EXOC6: variants seen among roughly 807,000 people sequenced by gnomAD.
The protein encoded by EXOC6 is exocyst complex component 6.
A neutral mutation model predicts 112.5 loss-of-function variants in EXOC6; 60 were observed. The observed-to-expected ratio is 0.53, with a 90% confidence interval of 0.43 to 0.66. The LOEUF is 0.66. EXOC6 is among the 30% of genes least tolerant of loss of function. EXOC6 has a pLI of 0.00. For missense variants in EXOC6, 855 were observed against 957.1 expected (o/e 0.89, Z 1.41); for synonymous variants, 295 against 308.0 (o/e 0.96, Z 0.44).
At chr10:92,959,039 A>G (rs1036913177) in intron 17 of EXOC6, among the ~76,000 whole-genome samples, 16 of 152,124 alleles carry the variant, frequency 1.1e-4, no homozygotes, top group African/African-American at 3.6e-4. Context: ...GGTTGCAGTG[A>G]GCCGAGATCA....
intron 1 of EXOC6, among the ~76,000 whole-genome samples, chr10:92,860,265 CTTTT>C (rs35900396): frequency 6.8e-5 from 6 of 88,018 alleles, no homozygotes; most frequent in African/African-American, 2.8e-4. Context: ...ATCTCCACAA[CTTTT>C]TTTTTTTTTT....
intron 17 of EXOC6, 79 bp downstream of exon 17, chr10:92,955,793 A>G (rs1853660704): frequency 7.7e-7 from 1 of 1,291,262 alleles, no homozygotes; most frequent in Non-Finnish European, 1.1e-6. Flanking sequence ...GTTCTTATAT[A>G]TGCAAGATCT....
chr10:92,882,930 A>G (rs1215153311), intron 1 of EXOC6, among the ~76,000 whole-genome samples: 1 of 152,240 alleles, frequency 6.6e-6, no homozygotes, highest in African/African-American at 2.4e-5. Context: ...AGGAACAAAT[A>G]GAGTGTCTCA....
intron 6 of EXOC6, among the ~76,000 whole-genome samples, chr10:92,911,817 T>A (rs1850779089): frequency 6.6e-6 from 1 of 152,052 alleles, no homozygotes; most frequent in Admixed American, 6.6e-5. Flanking sequence ...ATAGTGAGAG[T>A]TAGACTTCTC....
intron 9 of EXOC6, among the ~76,000 whole-genome samples, chr10:92,932,302 A>G (rs1042773796): frequency 7.2e-5 from 11 of 152,174 alleles, no homozygotes; most frequent in Non-Finnish European, 1.3e-4. Flanking sequence ...GTTCGGCAGG[A>G]TAATTCTCTA....
intron 14 of EXOC6, among the ~76,000 whole-genome samples, chr10:92,949,507 A>G (rs77380363): frequency 4.2e-5 from 6 of 142,928 alleles, no homozygotes; most frequent in Non-Finnish European, 9.2e-5. Flanking sequence ...TTTTTTTTTT[A>G]GTTACTGGTA....
At chr10:92,880,798 C>T (rs1230969173) in intron 1 of EXOC6, among the ~76,000 whole-genome samples, 1 of 151,534 alleles carries the variant, frequency 6.6e-6, no homozygotes, top group Non-Finnish European at 1.5e-5. Flanking sequence ...GAAGGGCATC[C>T]AGGGGTAGAA....
intron 2 of EXOC6, among the ~76,000 whole-genome samples, chr10:92,894,375 C>T (rs1229271348): frequency 1.3e-5 from 2 of 152,122 alleles, no homozygotes; most frequent in Non-Finnish European, 2.9e-5. Context: ...TAATCAACCA[C>T]CCAGTGTTTG....
chr10:92,887,535 G>C (rs1849288616), intron 1 of EXOC6, among the ~76,000 whole-genome samples: 1 of 151,492 alleles, frequency 6.6e-6, no homozygotes, highest in Non-Finnish European at 1.5e-5. Context: ...AAGTAGCTGG[G>C]ATTACAGGCG....
At chr10:93,054,263 T>G (rs912136136) in intron 20 of EXOC6, among the ~76,000 whole-genome samples, 1 of 152,190 alleles carries the variant, frequency 6.6e-6, no homozygotes, top group Non-Finnish European at 1.5e-5. Flanking sequence ...CCTAGCACAG[T>G]ATCTAGCACG....
intron 9 of EXOC6, among the ~76,000 whole-genome samples, chr10:92,931,748 A>C (rs1342293475): frequency 6.6e-6 from 1 of 152,024 alleles, no homozygotes; most frequent in African/African-American, 2.4e-5. Context: ...ATACCACTGC[A>C]TACTTACTAG....
intron 7 of EXOC6, among the ~76,000 whole-genome samples, chr10:92,918,476 A>G (rs1238352246): frequency 6.6e-6 from 1 of 150,998 alleles, no homozygotes; most frequent in African/African-American, 2.4e-5. Context: ...AGCAGTTGGC[A>G]TAATCATGGC....
chr10:92,944,998 C>G lies in EXOC6; in HGVS notation c.1311-3276C>G, dbSNP rs1188183943. On this transcript the variant is annotated intron_variant, in intron 13 of 21. Transcript: ENST00000260762. ...TGTTGGTCAGGCTGGTCTCGAACTCCCGACCTCAGGTGATCTGCCTGCTTC... is the reference window on the plus strand; with the variant it reads ...TGTTGGTCAGGCTGGTCTCGAACTCGCGACCTCAGGTGATCTGCCTGCTTC... Among the ~76,000 whole-genome samples, 11 of 151,976 alleles carry G rather than the reference C, an allele frequency of 7.2e-5. No homozygotes were observed. In the East Asian group the frequency reaches 2.1e-3, roughly 29 times the overall value.
At chr10:93,043,791 A>G (rs1449872724) in intron 20 of EXOC6, among the ~76,000 whole-genome samples, 2 of 152,218 alleles carry the variant, frequency 1.3e-5, no homozygotes, top group African/African-American at 4.8e-5. Flanking sequence ...CTTCCCAAGA[A>G]AATAAGTCCT....
intron 20 of EXOC6, among the ~76,000 whole-genome samples, chr10:93,040,732 A>G (rs2134329784): frequency 6.6e-6 from 1 of 152,354 alleles, no homozygotes; most frequent in South Asian, 2.1e-4. Flanking sequence ...TCACCAGGGA[A>G]GGCCAGTAGA....
At chr10:92,851,575 G>A (rs1847334946) in intron 1 of EXOC6, among the ~76,000 whole-genome samples, 1 of 151,960 alleles carries the variant, frequency 6.6e-6, no homozygotes, top group Non-Finnish European at 1.5e-5. Context: ...GCTTGAATCC[G>A]GGAGGCGGAG....
chr10:92,940,719 T>G lies in EXOC6; in HGVS notation c.1213-8T>G. On this transcript the variant is annotated splice_region_variant and splice_polypyrimidine_tract_variant and intron_variant, in intron 12 of 21. Transcript: ENST00000260762. ...GTTTATCTGCTTTTTTTTTTTTTTG[T>G]ATTTTAGGGTTATGGTTTTCCAGTG... 1.3e-6 allele frequency: 2 copies of G among 1,527,886 alleles called. No individual in the cohort carries two copies. Among genetic ancestry groups the G allele is most frequent in the Non-Finnish European group, 1.8e-6 (2 of 1,133,196 alleles). The allele number at this position is 1,527,886 out of a possible 1,614,324, so 94.6% of individuals were successfully genotyped here.
chr10:92,955,764 C>A, intron 17 of EXOC6, 50 bp downstream of exon 17: 1 of 1,534,290 alleles, frequency 6.5e-7, no homozygotes, highest in Non-Finnish European at 8.8e-7. Context: ...TGTAAGCAGA[C>A]GTTAAGAAAT....
chr10:92,854,633 C>G (rs370220779), intron 1 of EXOC6, among the ~76,000 whole-genome samples: 1 of 152,112 alleles, frequency 6.6e-6, no homozygotes, highest in Non-Finnish European at 1.5e-5. Flanking sequence ...GGTTTTGTCC[C>G]TTATTCTTTT....
Sources: gnomAD v4.1 joint callset for allele counts (sites outside exome capture counted in the v4.1 genomes callset) on GRCh38, gnomAD v4.1.1 for gene constraint, MANE v1.5 for transcripts, NCBI Gene and HGNC (gene_info 2026-07-23, HGNC 2026-07-21) for gene names.